Variants in LCORL observed in about 807,000 individuals in gnomAD.
LCORL encodes the protein ligand dependent nuclear receptor corepressor like, also known as ligand-dependent nuclear receptor corepressor-like protein.
LCORL carries 41 observed loss-of-function variants against 141.8 expected under a neutral mutation model. That is an observed-to-expected ratio of 0.29 (90% CI 0.23 to 0.38). The LOEUF (loss-of-function observed/expected upper bound fraction) is 0.38. Ranked by LOEUF, LCORL falls within the 10% of genes least tolerant of loss-of-function variation. The pLI is 1.00. For missense variants in LCORL, 1,759 were observed against 2,035.0 expected (o/e 0.86, Z 2.61); for synonymous variants, 618 against 694.1 (o/e 0.89, Z 1.72).
intron 4 of LCORL, among the ~76,000 whole-genome samples, chr4:17,934,361 T>C (rs1392997724): frequency 6.6e-6 from 1 of 152,138 alleles, no homozygotes; most frequent in Non-Finnish European, 1.5e-5. Flanking sequence ...TTAGTTCTTT[T>C]ATAAACCTAG....
At chr4:17,894,000 T>C (rs948932864) in intron 5 of LCORL, among the ~76,000 whole-genome samples, 2 of 152,090 alleles carry the variant, frequency 1.3e-5, no homozygotes, top group African/African-American at 4.8e-5. Context: ...GGTTTCACCA[T>C]GTTGGCCAGG....
intron 6 of LCORL, chr4:17,881,605 C>T (rs1302943516): frequency 9.2e-6 from 9 of 981,166 alleles, no homozygotes; most frequent in Non-Finnish European, 1.1e-5. Flanking sequence ...ATTTATGAAT[C>T]CTGTAAAGTT....
intron 1 of LCORL, among the ~76,000 whole-genome samples, chr4:17,992,434 C>G (rs573891170): frequency 6.6e-6 from 1 of 152,188 alleles, no homozygotes; most frequent in Admixed American, 6.5e-5. Flanking sequence ...GACTATATCA[C>G]TGCTTGTCAT....
At chr4:17,883,923 T>C (rs897100039) in intron 6 of LCORL, 10 of 1,550,676 alleles carry the variant, frequency 6.4e-6, no homozygotes, top group East Asian at 4.9e-5. Context: ...CTCATTACCA[T>C]TGCAATAGCT....
At chr4:17,842,234 A>G in exon 8 of LCORL, 1 of 1,234,628 alleles carries the variant, frequency 8.1e-7, no homozygotes, top group Non-Finnish European at 1.2e-6. Flanking sequence ...CAAAGGATTT[A>G]GTTAGCCTAG....
intron 6 of LCORL, chr4:17,882,167 TATG>T (rs1385341982): frequency 3.2e-5 from 31 of 984,100 alleles, no homozygotes; most frequent in Non-Finnish European, 3.5e-5. Context: ...TACACGTATA[TATG>T]ATTATTAAAT....
At chr4:18,004,740 A>G (rs911942670) in intron 1 of LCORL, among the ~76,000 whole-genome samples, 1 of 152,290 alleles carries the variant, frequency 6.6e-6, no homozygotes, top group Non-Finnish European at 1.5e-5. Context: ...TCAAAAGTCC[A>G]CAGTCCCACA....
intron 7 of LCORL, among the ~76,000 whole-genome samples, chr4:17,847,137 C>T (rs1290004519): frequency 1.3e-5 from 2 of 150,272 alleles, no homozygotes; most frequent in South Asian, 4.1e-4. Flanking sequence ...TTAAATATTA[C>T]TTATAGTCCA....
chr4:17,934,689 C>A (rs1455451052), intron 4 of LCORL, among the ~76,000 whole-genome samples: 24 of 152,132 alleles, frequency 1.6e-4, no homozygotes, highest in Admixed American at 1.6e-3. Flanking sequence ...TGCAGATCTG[C>A]AGAATTATGG....
chr4:17,931,952 G>A lies in LCORL; in HGVS notation c.431-22607C>T, dbSNP rs557943990. ...CTCTGTAGTTTCTGTTTAGGAGGATGGTTGCTAATGTTATCTGGTACACAG... is the reference window on the plus strand; with the variant it reads ...CTCTGTAGTTTCTGTTTAGGAGGATAGTTGCTAATGTTATCTGGTACACAG... On this transcript the variant is annotated intron_variant, in intron 4 of 7. Transcript: ENST00000635767. 2.0e-3 allele frequency among the ~76,000 whole-genome samples: 307 copies of A among 152,190 alleles called. 1 individual carries two copies. The highest frequency in any genetic ancestry group is 7.0e-3 in the African/African-American group (292 of 41,546).
chr4:17,904,630 G>T (rs769994036), intron 5 of LCORL, among the ~76,000 whole-genome samples: 2 of 152,038 alleles, frequency 1.3e-5, no homozygotes, highest in Non-Finnish European at 2.9e-5. Context: ...AATTGCCCTG[G>T]AACTATTTAT....
intron 5 of LCORL, among the ~76,000 whole-genome samples, chr4:17,903,357 C>T (rs955431095): frequency 1.3e-5 from 2 of 151,916 alleles, no homozygotes; most frequent in Non-Finnish European, 1.5e-5. Flanking sequence ...CCATCTCTGC[C>T]CAATCTGATC....
intron 1 of LCORL, among the ~76,000 whole-genome samples, chr4:18,009,808 G>T (rs1212058226): frequency 6.6e-6 from 1 of 151,270 alleles, no homozygotes; most frequent in African/African-American, 2.4e-5. Context: ...CCTTCCAATG[G>T]AGAGGTGCTC....
chr4:18,001,946 T>A (rs1577700461), intron 1 of LCORL, among the ~76,000 whole-genome samples: 1 of 152,196 alleles, frequency 6.6e-6, no homozygotes, highest in East Asian at 1.9e-4. Context: ...CATCTATATA[T>A]CTATGTTTAT....
At chr4:17,970,485 A>C (rs1005665445) in intron 2 of LCORL, among the ~76,000 whole-genome samples, 1 of 152,192 alleles carries the variant, frequency 6.6e-6, no homozygotes, top group Non-Finnish European at 1.5e-5. Context: ...CTGAATACAC[A>C]AGGTAGTATT....
intron 7 of LCORL, among the ~76,000 whole-genome samples, chr4:17,851,267 T>G (rs976341706): frequency 6.6e-6 from 1 of 151,838 alleles, no homozygotes; most frequent in African/African-American, 2.4e-5. Flanking sequence ...ACCCTAAAAC[T>G]TAAAGTATAA....
At chr4:17,979,455 C>A (rs1717596167) in intron 1 of LCORL, among the ~76,000 whole-genome samples, 1 of 152,158 alleles carries the variant, frequency 6.6e-6, no homozygotes. Context: ...AAGCTTTATT[C>A]TGTTATTTTT....
At chr4:17,932,866 A>G (rs541651123) in intron 4 of LCORL, among the ~76,000 whole-genome samples, 1 of 152,194 alleles carries the variant, frequency 6.6e-6, no homozygotes, top group Non-Finnish European at 1.5e-5. Flanking sequence ...CCAGTAGATT[A>G]TTCTAGCAGT....
At chr4:17,858,896 A>T (rs1724670599) in intron 7 of LCORL, among the ~76,000 whole-genome samples, 2 of 152,216 alleles carry the variant, frequency 1.3e-5, no homozygotes, top group South Asian at 4.1e-4. Context: ...TGATAAAGAG[A>T]AAATCTTAAA....
Sources: gnomAD v4.1 joint callset for allele counts (sites outside exome capture counted in the v4.1 genomes callset) on GRCh38, gnomAD v4.1.1 for gene constraint, MANE v1.5 for transcripts, NCBI Gene and HGNC (gene_info 2026-07-23, HGNC 2026-07-21) for gene names.